Variants in TRMT9B observed in about 807,000 individuals in gnomAD.
The protein encoded by TRMT9B is tRNA methyltransferase 9B (putative), also known as probable tRNA methyltransferase 9B.
In TRMT9B, 16 loss-of-function variants were observed where a neutral mutation model predicts 11.5. That is an observed-to-expected ratio of 1.39 (90% confidence interval 0.94 to 2.11). The LOEUF (loss-of-function observed/expected upper bound fraction) is 2.11. Among genes scored for constraint, TRMT9B ranks in the 30% most tolerant of loss-of-function variants. The pLI is 0.00. For synonymous variants in TRMT9B, 274 were observed against 192.4 expected (o/e 1.42, Z -3.51); for missense variants, 941 against 553.8 (o/e 1.70, Z -7.02).
At chr8:13,016,738 G>A (rs1432154600) in intron 4 of TRMT9B, among the ~76,000 whole-genome samples, 1 of 151,352 alleles carries the variant, frequency 6.6e-6, no homozygotes, top group Non-Finnish European at 1.5e-5. Flanking sequence ...CTTCTCAACT[G>A]GGGGTTACGT....
chr8:13,006,702 C>G (rs1810543256), intron 3 of TRMT9B: 1 of 1,278,190 alleles, frequency 7.8e-7, no homozygotes, highest in South Asian at 2.5e-5. Context: ...GAGTTTCACT[C>G]TTGTCAACCA....
chr8:12,947,556 T>C (rs1414988408), intron 1 of TRMT9B, among the ~76,000 whole-genome samples: 3 of 152,228 alleles, frequency 2.0e-5, no homozygotes, highest in African/African-American at 7.2e-5. Context: ...AATGGTGACA[T>C]AAGCATCATG....
At chr8:12,987,063 C>G (rs929099070) in intron 1 of TRMT9B, among the ~76,000 whole-genome samples, 1 of 152,316 alleles carries the variant, frequency 6.6e-6, no homozygotes, top group East Asian at 1.9e-4. Context: ...TCTCTTCCAG[C>G]CTCTTATTTC....
chr8:12,999,908 G>C (rs185721594), intron 2 of TRMT9B, among the ~76,000 whole-genome samples: 2 of 152,142 alleles, frequency 1.3e-5, no homozygotes, highest in Admixed American at 6.6e-5. Flanking sequence ...ATATCTCTAC[G>C]AGAAAGAAAA....
At chr8:13,017,557 A>G (rs1238768997) in intron 4 of TRMT9B, among the ~76,000 whole-genome samples, 2 of 150,702 alleles carry the variant, frequency 1.3e-5, no homozygotes, top group African/African-American at 4.9e-5. Context: ...TTAATAGAAC[A>G]TGTATGCGTA....
chr8:12,998,150 C>A (rs1014471162), intron 2 of TRMT9B, among the ~76,000 whole-genome samples: 54 of 152,182 alleles, frequency 3.5e-4, no homozygotes, highest in African/African-American at 1.3e-3. Flanking sequence ...ACTCAATTGT[C>A]ATCTGTATGT....
At chr8:13,009,763 T>TA (rs1225603791) in intron 3 of TRMT9B, among the ~76,000 whole-genome samples, 1 of 152,230 alleles carries the variant, frequency 6.6e-6, no homozygotes, top group Non-Finnish European at 1.5e-5. Flanking sequence ...AAAACCTGCC[T>TA]AGCATTCTAT....
At chr8:12,974,525 G>T (rs1243672326) in intron 1 of TRMT9B, among the ~76,000 whole-genome samples, 2 of 152,178 alleles carry the variant, frequency 1.3e-5, no homozygotes, top group Non-Finnish European at 2.9e-5. Context: ...AGCCCCAACA[G>T]AATAAGTTTC....
chr8:12,954,994 C>T (rs1243104690), intron 1 of TRMT9B, among the ~76,000 whole-genome samples: 1 of 152,138 alleles, frequency 6.6e-6, no homozygotes, highest in Admixed American at 6.5e-5. Flanking sequence ...GCTGAGTACA[C>T]AGTTGGCACA....
chr8:12,979,055 A>T (rs1349394250), intron 1 of TRMT9B, among the ~76,000 whole-genome samples: 1 of 152,060 alleles, frequency 6.6e-6, no homozygotes, highest in Non-Finnish European at 1.5e-5. Context: ...AGACTTGGGG[A>T]CACTGAGAAG....
At chr8:12,971,220 C>T (rs1803573089) in intron 1 of TRMT9B, among the ~76,000 whole-genome samples, 1 of 151,998 alleles carries the variant, frequency 6.6e-6, no homozygotes, top group African/African-American at 2.4e-5. Flanking sequence ...ATTTATTTTT[C>T]TTTCTTTTTG....
At chr8:12,967,138 C>G (rs1008113163) in intron 1 of TRMT9B, among the ~76,000 whole-genome samples, 2 of 152,140 alleles carry the variant, frequency 1.3e-5, no homozygotes, top group African/African-American at 4.8e-5. Flanking sequence ...CAAGACATAT[C>G]TTTAGGATCC....
intron 1 of TRMT9B, among the ~76,000 whole-genome samples, chr8:12,946,198 A>G (rs1267083964): frequency 6.6e-6 from 1 of 152,232 alleles, no homozygotes; most frequent in Non-Finnish European, 1.5e-5. Flanking sequence ...GAACTGATAC[A>G]TTCTTAGGAC....
chr8:12,988,919 C>T (rs1033546409), intron 1 of TRMT9B, among the ~76,000 whole-genome samples: 1 of 152,156 alleles, frequency 6.6e-6, no homozygotes, highest in African/African-American at 2.4e-5. Context: ...TTCTACTGCA[C>T]TTTAATTTTC....
chr8:12,952,888 C>T (rs1485273478), intron 1 of TRMT9B, among the ~76,000 whole-genome samples: 1 of 152,072 alleles, frequency 6.6e-6, no homozygotes, highest in Non-Finnish European at 1.5e-5. Context: ...TACAGGCAAC[C>T]GTCACCATGC....
At chr8:13,018,752 A>G (rs1370808107) in intron 4 of TRMT9B, among the ~76,000 whole-genome samples, 1 of 152,198 alleles carries the variant, frequency 6.6e-6, no homozygotes, top group Non-Finnish European at 1.5e-5. Flanking sequence ...TTTTAAACTC[A>G]TACCAACAGC....
chr8:12,947,687 G>C (rs1800330913), intron 1 of TRMT9B, among the ~76,000 whole-genome samples: 1 of 152,174 alleles, frequency 6.6e-6, no homozygotes, highest in Admixed American at 6.5e-5. Context: ...AAAAGCTTTA[G>C]GAAAAGAACT....
intron 3 of TRMT9B, chr8:13,011,072 C>T (rs1050955654): frequency 1.7e-5 from 7 of 423,650 alleles, no homozygotes; most frequent in African/African-American, 1.1e-4. Flanking sequence ...GCAACCTCCA[C>T]CTCCTGAATT....
intron 1 of TRMT9B, among the ~76,000 whole-genome samples, chr8:12,959,286 C>A (rs1801727792): frequency 6.6e-6 from 1 of 152,024 alleles, no homozygotes; most frequent in African/African-American, 2.4e-5. Context: ...TGGAAAAATC[C>A]CACACCTGAC....
Sources: gnomAD v4.1 joint callset for allele counts (sites outside exome capture counted in the v4.1 genomes callset) on GRCh38, gnomAD v4.1.1 for gene constraint, MANE v1.5 for transcripts, NCBI Gene and HGNC (gene_info 2026-07-23, HGNC 2026-07-21) for gene names.